The following PDE7A variants were observed in gnomAD, a reference collection of about 807,000 sequenced individuals.
PDE7A encodes high affinity 3',5'-cyclic-AMP phosphodiesterase 7A.
In PDE7A, 39 loss-of-function variants were observed where a neutral mutation model predicts 64.3. That is an observed-to-expected ratio of 0.61 (90% CI 0.47 to 0.79). The LOEUF is 0.79. Among genes scored for constraint, PDE7A ranks in the 30% least tolerant of loss-of-function variants. PDE7A has a pLI of 0.00. For missense variants in PDE7A, 470 were observed against 582.8 expected (o/e 0.81, Z 1.99); for synonymous variants, 203 against 206.8 (o/e 0.98, Z 0.16).
chr8:65,731,966 A>ATATTAT (rs137999443), intron 7 of PDE7A, among the ~76,000 whole-genome samples: 34 of 151,062 alleles, frequency 2.3e-4, no homozygotes, highest in East Asian at 5.8e-4. Flanking sequence ...GTCATTCTCT[A>ATATTAT]TATTATTATT....
intron 12 of PDE7A, among the ~76,000 whole-genome samples, chr8:65,720,787 T>G (rs957754010): frequency 6.6e-6 from 1 of 152,218 alleles, no homozygotes; most frequent in Non-Finnish European, 1.5e-5. Flanking sequence ...AGTGTCATTA[T>G]AGTCAAAGCA....
chr8:65,770,908 C>A, intron 3 of PDE7A: 1 of 176,524 alleles, frequency 5.7e-6, no homozygotes, highest in Non-Finnish European at 1.2e-5. Context: ...TTTCTGTGCT[C>A]AACTGATTTT....
chr8:65,738,466 A>C (rs1368827402), intron 6 of PDE7A, among the ~76,000 whole-genome samples: 1 of 152,214 alleles, frequency 6.6e-6, no homozygotes, highest in Non-Finnish European at 1.5e-5. Context: ...GGAATCATGA[A>C]TTCCTTCCTC....
chr8:65,740,346 C>A (rs530552673), intron 5 of PDE7A, among the ~76,000 whole-genome samples: 1 of 152,080 alleles, frequency 6.6e-6, no homozygotes, highest in South Asian at 2.1e-4. Context: ...TTCCCATCCA[C>A]CCCCTCATTC....
intron 1 of PDE7A, among the ~76,000 whole-genome samples, chr8:65,808,661 T>C (rs1451664114): frequency 6.6e-6 from 1 of 152,204 alleles, no homozygotes; most frequent in African/African-American, 2.4e-5. Flanking sequence ...ATGATGAACA[T>C]GTATTAACTT....
At chr8:65,832,377 TA>T (rs1162227529) in intron 1 of PDE7A, among the ~76,000 whole-genome samples, 2 of 152,214 alleles carry the variant, frequency 1.3e-5, no homozygotes, top group Non-Finnish European at 2.9e-5. Context: ...ATGGGATGAA[TA>T]AACTTGAAGA....
intron 3 of PDE7A, among the ~76,000 whole-genome samples, chr8:65,778,348 G>A (rs925273527): frequency 1.3e-5 from 2 of 152,104 alleles, no homozygotes; most frequent in African/African-American, 4.8e-5. Flanking sequence ...AGAGAAAAAT[G>A]TTGGCACCAC....
chr8:65,758,092 G>A (rs746072384), intron 3 of PDE7A, among the ~76,000 whole-genome samples: 1 of 152,160 alleles, frequency 6.6e-6, no homozygotes, highest in Admixed American at 6.5e-5. Flanking sequence ...CAGATTGCTG[G>A]TTGTAATACT....
At chr8:65,808,500 A>T (rs916612839) in intron 1 of PDE7A, among the ~76,000 whole-genome samples, 2 of 152,206 alleles carry the variant, frequency 1.3e-5, no homozygotes, top group Non-Finnish European at 2.9e-5. Flanking sequence ...ATTATAAAAC[A>T]TTACACACAG....
chr8:65,841,999 C>A lies in PDE7A; in HGVS notation c.-491G>T. 4.0e-6 allele frequency: 1 copy of A among 247,482 alleles called. No individual in the cohort carries two copies. The highest frequency in any genetic ancestry group is 7.8e-6 in the Non-Finnish European group (1 of 128,986). 15.3% of individuals were successfully genotyped at this position (247,482 alleles called of 1,614,324 possible). On this transcript the variant is annotated 5_prime_UTR_variant, in exon 1 of 13. Transcript: ENST00000401827. ...CCGCCGCCGCCGCCGCCGCCGGAGT[C>A]CTGCTCCTCCCCTCCCCCGGAGCCT... is the stretch of plus-strand genomic sequence containing the variant.
intron 2 of PDE7A, 87 bp from the exon 3 acceptor site, chr8:65,779,890 CATATT>C: frequency 1.4e-6 from 1 of 725,488 alleles, no homozygotes; most frequent in Non-Finnish European, 2.3e-6. Context: ...CGTGTGGTAT[CATATT>C]CATAAGTAAC....
intron 1 of PDE7A, among the ~76,000 whole-genome samples, chr8:65,791,888 T>C (rs974174099): frequency 1.7e-4 from 26 of 152,346 alleles, no homozygotes; most frequent in South Asian, 1.2e-3. Context: ...TAAGACTTTT[T>C]CTTATTTTGA....
chr8:65,799,082 G>A (rs765126836), intron 1 of PDE7A, among the ~76,000 whole-genome samples: 1 of 152,072 alleles, frequency 6.6e-6, no homozygotes, highest in Non-Finnish European at 1.5e-5. Flanking sequence ...TGGTTGTCTG[G>A]GGCAGGGGCT....
At chr8:65,820,151 G>T (rs141146134) in intron 1 of PDE7A, among the ~76,000 whole-genome samples, 1 of 152,200 alleles carries the variant, frequency 6.6e-6, no homozygotes, top group Non-Finnish European at 1.5e-5. Context: ...ATCCCAACAC[G>T]TTGGGAGGCC....
chr8:65,797,480 C>CG (rs58228661), intron 1 of PDE7A, among the ~76,000 whole-genome samples: 8,591 of 152,216 alleles, frequency 0.056, 683 homozygotes, highest in African/African-American at 0.18. Context: ...CAACTGCCTC[C>CG]GGGGGGCAAG....
intron 3 of PDE7A, among the ~76,000 whole-genome samples, chr8:65,773,503 C>G (rs950769260): frequency 6.6e-6 from 1 of 152,222 alleles, no homozygotes; most frequent in African/African-American, 2.4e-5. Flanking sequence ...TTCCACATCA[C>G]TGGATCAGGA....
At chr8:65,786,353 C>T (rs1387927482) in intron 1 of PDE7A, among the ~76,000 whole-genome samples, 1 of 152,070 alleles carries the variant, frequency 6.6e-6, no homozygotes, top group Non-Finnish European at 1.5e-5. Context: ...TCAACAAATA[C>T]ATCCTGAGTG....
intron 1 of PDE7A, among the ~76,000 whole-genome samples, chr8:65,791,592 C>T (rs569112209): frequency 1.1e-3 from 163 of 152,280 alleles, no homozygotes; most frequent in African/African-American, 3.8e-3. Context: ...TCATTTCTCA[C>T]GCTAGTTAAT....
rs149551498 is a variant in PDE7A at position 65,777,153 on chromosome 8, A to G, written c.283+2567T>C. ...ACTGGAGTGCAATGCAATCCTGGCT[A>G]ACCGCAACCTCTGCCTCCTGGGTTC... is the stretch of plus-strand genomic sequence containing the variant. On this transcript the variant is annotated intron_variant, in intron 3 of 12. Coordinates refer to ENST00000401827, the MANE Select transcript of PDE7A (RefSeq NM_001242318.3). Among the ~76,000 whole-genome samples, 30 of 146,436 alleles carry G rather than the reference A, an allele frequency of 2.0e-4. 1 individual carries two copies. The East Asian group carries it at 4.1e-3, about 20-fold the overall frequency.
Sources: gnomAD v4.1 joint callset for allele counts (sites outside exome capture counted in the v4.1 genomes callset) on GRCh38, gnomAD v4.1.1 for gene constraint, MANE v1.5 for transcripts, NCBI Gene and HGNC (gene_info 2026-07-23, HGNC 2026-07-21) for gene names.